Variants in TRMO observed in about 807,000 individuals in gnomAD.
TRMO encodes tRNA (adenine(37)-N6)-methyltransferase.
Under a neutral mutation model 37.2 loss-of-function variants are expected in TRMO, and 30 were observed. That is an observed-to-expected ratio of 0.81 (90% CI 0.60 to 1.09). TRMO has a LOEUF of 1.09. TRMO is among the 50% of genes least tolerant of loss of function. The probability of loss-of-function intolerance (pLI) is 0.00; values close to 1 mark genes in which losing one functional copy is unlikely to be tolerated. For synonymous variants in TRMO, 239 were observed against 199.4 expected, an observed-to-expected ratio of 1.20 and a Z score of -1.67; for missense variants, 552 against 549.5, an observed-to-expected ratio of 1.00 and a Z score of -0.05.
At chr9:97,908,302 C>T (rs1436493845) in intron 4 of TRMO, among the ~76,000 whole-genome samples, 1 of 150,894 alleles carries the variant, frequency 6.6e-6, no homozygotes, top group Non-Finnish European at 1.5e-5. Context: ...GTCCCAGCTA[C>T]TCGGGAGGCG....
intron 4 of TRMO, among the ~76,000 whole-genome samples, chr9:97,906,111 T>C (rs1222441640): frequency 6.6e-6 from 1 of 150,478 alleles, no homozygotes; most frequent in African/African-American, 2.5e-5. Context: ...TGAGCCAAGA[T>C]TGCACCACTG....
chr9:97,911,693 A>C (rs1330366565), intron 3 of TRMO: 1 of 152,166 alleles, frequency 6.6e-6, no homozygotes, highest in African/African-American at 2.4e-5. Flanking sequence ...AAGACTCAAA[A>C]GATTAAGCAG....
At chr9:97,908,653 T>G (rs1825972442) in intron 4 of TRMO, among the ~76,000 whole-genome samples, 1 of 152,190 alleles carries the variant, frequency 6.6e-6, no homozygotes, top group South Asian at 2.1e-4. Context: ...TCAGTAACTC[T>G]TATCACCTTC....
intron 1 of TRMO, among the ~76,000 whole-genome samples, chr9:97,919,765 CAATTAGATTTACTTCTATCCTCT>C (rs1215397119): frequency 6.6e-6 from 1 of 152,170 alleles, no homozygotes; most frequent in Non-Finnish European, 1.5e-5. Flanking sequence ...AAGTGGCTGC[CAATTAGATTTACTTCTATCCTCT>C]AATTAGATTT....
intron 2 of TRMO, among the ~76,000 whole-genome samples, chr9:97,913,810 G>A (rs949891873): frequency 9.2e-5 from 14 of 152,180 alleles, no homozygotes; most frequent in Admixed American, 8.5e-4. Context: ...CTTGAGAGAC[G>A]TTTATCAAGT....
At chr9:97,905,641 G>C (rs1390225886) in intron 4 of TRMO, among the ~76,000 whole-genome samples, 1 of 152,164 alleles carries the variant, frequency 6.6e-6, no homozygotes, top group African/African-American at 2.4e-5. Flanking sequence ...CTGTGACCTA[G>C]TTTTTCATAA....
chr9:97,898,085 T>C, the TRMO span, among the ~76,000 whole-genome samples: 1 of 152,182 alleles, frequency 6.6e-6, no homozygotes, highest in Non-Finnish European at 1.5e-5. Flanking sequence ...GTGATTCTTG[T>C]GGTGTAAGCT....
downstream of TRMO, among the ~76,000 whole-genome samples, chr9:97,903,592 C>T (rs746662797): frequency 6.6e-6 from 1 of 152,216 alleles, no homozygotes; most frequent in African/African-American, 2.4e-5. Flanking sequence ...ATAGGCAATA[C>T]ATTCTTACAA....
Position 97,916,151 on chromosome 9 carries a change from T to A in TRMO, c.251+13A>T, listed in dbSNP as rs189222104. 1 of 1,576,506 alleles carries A rather than the reference T, an allele frequency of 6.3e-7. No homozygotes were observed. The highest frequency in any genetic ancestry group is 8.6e-7 in the Non-Finnish European group (1 of 1,162,270). On this transcript the variant is annotated intron_variant, in intron 2 of 4. Transcript: ENST00000375119. ...TGGCCCAAAATCCTACATCTAACTA[T>A]AAAGCAACTTACCAAACATGAGAAA...
chr9:97,906,285 G>T (rs1378225112), intron 4 of TRMO, among the ~76,000 whole-genome samples: 1 of 152,146 alleles, frequency 6.6e-6, no homozygotes, highest in African/African-American at 2.4e-5. Flanking sequence ...GGCGTTTCTG[G>T]GAGAGGCTCC....
chr9:97,907,843 T>G (rs1428098448), intron 4 of TRMO, among the ~76,000 whole-genome samples: 6 of 152,154 alleles, frequency 3.9e-5, no homozygotes, highest in Non-Finnish European at 7.4e-5. Context: ...AAACGTGCCA[T>G]GCACCCTCCA....
intron 4 of TRMO, among the ~76,000 whole-genome samples, chr9:97,907,910 C>A (rs955667153): frequency 3.3e-5 from 5 of 152,158 alleles, no homozygotes; most frequent in Non-Finnish European, 5.9e-5. Context: ...TCTGGACAGG[C>A]TGGCTCATGT....
chr9:97,916,697 A>C (rs1037470063), intron 1 of TRMO, among the ~76,000 whole-genome samples: 3 of 135,936 alleles, frequency 2.2e-5, no homozygotes, highest in Admixed American at 1.5e-4. Context: ...CTATGAGCGT[A>C]TTTCTTTCTT....
intron 2 of TRMO, chr9:97,913,993 CCTTT>C (rs1326820801): frequency 6.5e-6 from 1 of 153,928 alleles, no homozygotes; most frequent in Admixed American, 6.5e-5. Flanking sequence ...ACCAGACCTT[CCTTT>C]CTTTTTCCAT....
chr9:97,912,376 G>A (rs1477241781), intron 3 of TRMO: 1 of 154,476 alleles, frequency 6.5e-6, no homozygotes, highest in African/African-American at 2.4e-5. Flanking sequence ...ACAATGTCTG[G>A]CACATATTCA....
rs945910698 is a variant in TRMO, at chr9:97,908,239, A to C, written c.1066+1721T>G. Among the ~76,000 whole-genome samples the C allele has an allele frequency of 1.3e-4, 20 of 152,114 alleles. 1 individual carries two copies. The highest frequency in any genetic ancestry group is 6.8e-3 in the Middle Eastern group (2 of 294). On this transcript the variant is annotated intron_variant, in intron 4 of 4. Coordinates refer to ENST00000375119, the MANE Select transcript of TRMO (RefSeq NM_016481.5). ...CATCCTGCCTAACACGGTGAAACTCAGTCTCTACTAAAAATACAAAAAATT... is the reference window on the plus strand; with the variant it reads ...CATCCTGCCTAACACGGTGAAACTCCGTCTCTACTAAAAATACAAAAAATT...
intron 1 of TRMO, among the ~76,000 whole-genome samples, chr9:97,921,720 G>C (rs967448748): frequency 3.3e-5 from 5 of 152,032 alleles, no homozygotes; most frequent in African/African-American, 1.2e-4. Context: ...CGCTGCGCCC[G>C]GCCCAAAGTG....
intron 1 of TRMO, among the ~76,000 whole-genome samples, 162 bp downstream of exon 1, chr9:97,922,256 C>A (rs903050703): frequency 6.6e-6 from 1 of 152,248 alleles, no homozygotes; most frequent in South Asian, 2.1e-4. Flanking sequence ...CGCCAAAGCA[C>A]ATCACGTGGT....
At chr9:97,919,800 C>T (rs1826541915) in intron 1 of TRMO, among the ~76,000 whole-genome samples, 1 of 152,204 alleles carries the variant, frequency 6.6e-6, no homozygotes, top group Admixed American at 6.5e-5. Context: ...ATTAGATTTA[C>T]TTCTATCCTC....
Sources: allele counts gnomAD v4.1 joint callset (sites outside exome capture counted in the v4.1 genomes callset), GRCh38; gene constraint gnomAD v4.1.1; transcripts MANE v1.5; gene names NCBI Gene and HGNC (gene_info 2026-07-23, HGNC 2026-07-21).